The following FOXJ3 variants were observed in gnomAD, a reference collection of about 807,000 sequenced individuals.
FOXJ3 encodes forkhead box J3.
FOXJ3 carries 22 observed loss-of-function variants against 76.1 expected under a neutral mutation model. The ratio of observed to expected loss-of-function variants is 0.29; its 90% CI spans 0.21 to 0.41. The LOEUF is 0.41. Among genes scored for constraint, FOXJ3 ranks in the 10% least tolerant of loss-of-function variants. FOXJ3 has a pLI of 1.00. For missense variants in FOXJ3, 613 were observed against 762.1 expected (o/e 0.80, Z 2.30); for synonymous variants, 269 against 261.2 (o/e 1.03, Z -0.29).
chr1:42,286,147 C>A (rs1038945345), intron 2 of FOXJ3, among the ~76,000 whole-genome samples: 3 of 152,178 alleles, frequency 2.0e-5, no homozygotes, highest in Non-Finnish European at 4.4e-5. Context: ...TTACTACAGA[C>A]TGACTTTATA....
intron 4 of FOXJ3, among the ~76,000 whole-genome samples, chr1:42,240,915 GA>G (rs1649086598): frequency 6.6e-6 from 1 of 152,174 alleles, no homozygotes; most frequent in Non-Finnish European, 1.5e-5. Flanking sequence ...AAACAGATCT[GA>G]TACTTGGCAC....
chr1:42,253,895 A>T (rs1253800309), intron 4 of FOXJ3, among the ~76,000 whole-genome samples: 42 of 151,642 alleles, frequency 2.8e-4, no homozygotes, highest in Admixed American at 1.3e-3. Context: ...TTCAGGACAT[A>T]GGCATGGGCA....
chr1:42,247,714 A>C (rs1649660591), intron 4 of FOXJ3, among the ~76,000 whole-genome samples: 1 of 152,236 alleles, frequency 6.6e-6, no homozygotes, highest in African/African-American at 2.4e-5. Flanking sequence ...GTTCCTCAAA[A>C]GATTAAACAT....
intron 4 of FOXJ3, among the ~76,000 whole-genome samples, chr1:42,262,886 C>A (rs1288542417): frequency 2.0e-5 from 3 of 152,016 alleles, no homozygotes; most frequent in Non-Finnish European, 4.4e-5. Flanking sequence ...ATAAAATAAA[C>A]CTCACTTTGA....
chr1:42,185,809 C>T (rs1217338593), intron 11 of FOXJ3, among the ~76,000 whole-genome samples: 8 of 152,074 alleles, frequency 5.3e-5, no homozygotes, highest in Non-Finnish European at 7.4e-5. Flanking sequence ...TCTATAACAA[C>T]CTTCTCCCCT....
chr1:42,248,025 A>G (rs971091836), intron 4 of FOXJ3, among the ~76,000 whole-genome samples: 5 of 152,200 alleles, frequency 3.3e-5, no homozygotes, highest in Admixed American at 1.3e-4. Context: ...ATTTTATATG[A>G]ATGTCCAAAA....
intron 6 of FOXJ3, among the ~76,000 whole-genome samples, chr1:42,199,506 A>G (rs545302347): frequency 2.0e-5 from 3 of 152,336 alleles, no homozygotes; most frequent in Non-Finnish European, 2.9e-5. Context: ...ACATTTAACA[A>G]GAGAGGAATA....
At chr1:42,303,607 C>T (rs941112776) in intron 2 of FOXJ3, among the ~76,000 whole-genome samples, 9 of 152,096 alleles carry the variant, frequency 5.9e-5, no homozygotes, top group African/African-American at 1.4e-4. Context: ...CCCTGGCATA[C>T]GCTAAGTAGA....
intron 5 of FOXJ3, among the ~76,000 whole-genome samples, chr1:42,226,538 G>A (rs990025378): frequency 6.6e-6 from 1 of 152,132 alleles, no homozygotes; most frequent in African/African-American, 2.4e-5. Context: ...GAACACAGGA[G>A]GTGGGGTTGC....
At chr1:42,311,505 T>C (rs1654806672) in intron 1 of FOXJ3, among the ~76,000 whole-genome samples, 2 of 152,036 alleles carry the variant, frequency 1.3e-5, no homozygotes, top group South Asian at 4.1e-4. Flanking sequence ...TACCACAGAG[T>C]TAAGCATGCA....
intron 1 of FOXJ3, among the ~76,000 whole-genome samples, chr1:42,319,217 A>G (rs1190977671): frequency 1.7e-5 from 2 of 118,464 alleles, no homozygotes; most frequent in Non-Finnish European, 3.7e-5. Context: ...CGACACAGCA[A>G]GACCCTGTTT....
chr1:42,265,688 C>A (rs1441588894), intron 3 of FOXJ3, among the ~76,000 whole-genome samples: 2 of 152,198 alleles, frequency 1.3e-5, no homozygotes, highest in East Asian at 3.9e-4. Flanking sequence ...ACATGTATTA[C>A]CACTTATTAA....
intron 2 of FOXJ3, among the ~76,000 whole-genome samples, chr1:42,292,443 C>T (rs1220705092): frequency 1.3e-5 from 2 of 152,162 alleles, no homozygotes; most frequent in Non-Finnish European, 2.9e-5. Context: ...AATAAACAAA[C>T]TGTTGTGAAT....
chr1:42,221,276 C>T (rs1399803433), intron 5 of FOXJ3, among the ~76,000 whole-genome samples: 1 of 151,954 alleles, frequency 6.6e-6, no homozygotes. Context: ...GCCTCACACA[C>T]AGAGAACTAC....
chr1:42,191,799 A>G, intron 8 of FOXJ3, 80 bp from the exon 9 acceptor site: 3 of 1,470,866 alleles, frequency 2.0e-6, no homozygotes, highest in Non-Finnish European at 2.8e-6. Context: ...TTAACATAAC[A>G]AAAGCATATG....
At chr1:42,219,531 T>C (rs901785869) in intron 5 of FOXJ3, among the ~76,000 whole-genome samples, 2 of 152,200 alleles carry the variant, frequency 1.3e-5, no homozygotes, top group Non-Finnish European at 2.9e-5. Flanking sequence ...CAAATAAAAA[T>C]GATACCCTCA....
chr1:42,292,616 G>A (rs1247126453), intron 2 of FOXJ3, among the ~76,000 whole-genome samples: 2 of 152,158 alleles, frequency 1.3e-5, no homozygotes, highest in African/African-American at 4.8e-5. Flanking sequence ...GAACAGAAAA[G>A]CAGATCAGTA....
chr1:42,278,199 C>A lies in FOXJ3; in HGVS notation c.369+149G>T, dbSNP rs1652438299. 22 of 627,456 alleles carry A rather than the reference C, an allele frequency of 3.5e-5. No individual in the cohort carries two copies. In the South Asian group the frequency reaches 3.9e-4, roughly 11 times the overall value. The allele number at this position is 627,456 out of a possible 1,614,324, so 38.9% of individuals were successfully genotyped here. On this transcript the variant is annotated intron_variant, in intron 3 of 12. Coordinates refer to ENST00000361346, the MANE Select transcript of FOXJ3 (RefSeq NM_014947.5). The stretch of plus-strand genomic sequence containing the variant: ...AATCTACCAAAAATAAAGTTATTCA[C>A]CTAAGCTAAAAACTTTTTGACATCC...
rs79562470 is a variant in FOXJ3, at chr1:42,221,892, T to G, written c.528+5991A>C. On this transcript the variant is annotated intron_variant, in intron 5 of 12. Coordinates refer to ENST00000361346, the MANE Select transcript of FOXJ3 (RefSeq NM_014947.5). ...CTTTGGGGGGCCAAGGCAAGAGAAC[T>G]GCTTGAGCCCAGGAGTTTGAGACCA... Among the ~76,000 whole-genome samples, 1,128 of 135,316 alleles carry G rather than the reference T, an allele frequency of 8.3e-3. 20 individuals carry two copies. Among genetic ancestry groups the G allele is most frequent in the African/African-American group, 0.031 (1,083 of 35,224 alleles). The allele number at this position is 135,316 out of a possible 152,430, so 88.8% of individuals were successfully genotyped here. A position where few individuals can be genotyped will look rare whatever the true frequency, so the allele number is the denominator to read the frequency against.
Sources: gnomAD v4.1 joint callset for allele counts (sites outside exome capture counted in the v4.1 genomes callset) on GRCh38, gnomAD v4.1.1 for gene constraint, MANE v1.5 for transcripts, NCBI Gene and HGNC (gene_info 2026-07-23, HGNC 2026-07-21) for gene names.